The following DLGAP1 variants were observed in gnomAD, a reference collection of about 807,000 sequenced individuals.
DLGAP1 encodes DLG associated protein 1.
In DLGAP1, 11 loss-of-function variants were observed where a neutral mutation model predicts 90.8. The ratio of observed to expected loss-of-function variants is 0.12; its 90% CI spans 0.08 to 0.20. DLGAP1 has a LOEUF of 0.20. Ranked by LOEUF, DLGAP1 falls within the 10% of genes least tolerant of loss-of-function variation. The pLI is 1.00. For missense variants in DLGAP1, 1,050 were observed against 1,333.8 expected, an observed-to-expected ratio of 0.79 and a Z score of 3.31; for synonymous variants, 558 against 540.7, an observed-to-expected ratio of 1.03 and a Z score of -0.44.
chr18:4,256,026 C>T (rs1357804443), intron 1 of DLGAP1, among the ~76,000 whole-genome samples: 1 of 152,138 alleles, frequency 6.6e-6, no homozygotes, highest in Non-Finnish European at 1.5e-5. Flanking sequence ...TCTGACAACT[C>T]AAGGCAGCTA....
In DLGAP1 at chr18:3,846,331, A is replaced by C. The variant is rs928414255; in HGVS notation, c.958-32058T>G. On this transcript the variant is annotated intron_variant, in intron 4 of 12. Transcript: ENST00000315677. Reference sequence around the variant, plus strand: ...CCTAAAACTTTCCTCTACTGAATTAATAAAAGCACAGGTGCATTTAATAAG... The same window carrying C: ...CCTAAAACTTTCCTCTACTGAATTACTAAAAGCACAGGTGCATTTAATAAG... Among the ~76,000 whole-genome samples the C allele has an allele frequency of 5.3e-5, 8 of 152,338 alleles. No homozygotes were observed. The East Asian group carries it at 1.5e-3, about 29-fold the overall frequency.
chr18:3,727,297 G>A lies in DLGAP1; in HGVS notation c.1591+1838C>T, dbSNP rs2062219770. Among the ~76,000 whole-genome samples, 1 of 152,164 alleles carries A rather than the reference G, an allele frequency of 6.6e-6. No homozygotes were observed. Among genetic ancestry groups the A allele is most frequent in the African/African-American group, 2.4e-5 (1 of 41,432 alleles). On this transcript the variant is annotated intron_variant, in intron 7 of 12. Transcript: ENST00000315677. The surrounding 1 kb of genome is among the most constrained non-coding windows in gnomAD (Gnocchi z 4.7). ...CATGTGTGTTTGGAGTGAAGAGCAT[G>A]GGACAGGCGCTGATGCAGGAAGTGT...
At chr18:3,576,578 T>C (rs1319733328) in intron 8 of DLGAP1, among the ~76,000 whole-genome samples, 1 of 150,342 alleles carries the variant, frequency 6.7e-6, no homozygotes, top group African/African-American at 2.5e-5. Context: ...TTTTTTTTTT[T>C]TTTGAGATGG....
intron 1 of DLGAP1, among the ~76,000 whole-genome samples, chr18:4,307,349 A>G (rs910323520): frequency 1.3e-5 from 2 of 152,062 alleles, no homozygotes; most frequent in African/African-American, 4.8e-5. Context: ...CGTCACCTCA[A>G]CCAAAAACTC....
intron 12 of DLGAP1, among the ~76,000 whole-genome samples, chr18:3,501,808 G>C (rs990938779): frequency 6.6e-6 from 1 of 151,994 alleles, no homozygotes; most frequent in African/African-American, 2.4e-5. Flanking sequence ...TGTGAGCCTC[G>C]TGGAACACCA....
intron 10 of DLGAP1, among the ~76,000 whole-genome samples, chr18:3,512,096 G>A (rs1598995618): frequency 6.6e-6 from 1 of 151,124 alleles, no homozygotes; most frequent in African/African-American, 2.4e-5. Flanking sequence ...GTTCAACCCA[G>A]ATGTGGTTAA....
chr18:3,975,794 A>G (rs1421307000), intron 3 of DLGAP1, among the ~76,000 whole-genome samples: 1 of 152,220 alleles, frequency 6.6e-6, no homozygotes, highest in African/African-American at 2.4e-5. Flanking sequence ...CCTCAAAGAC[A>G]TTGTGCAAAG....
chr18:3,670,070 C>T (rs1267763966), intron 7 of DLGAP1, among the ~76,000 whole-genome samples: 2 of 151,972 alleles, frequency 1.3e-5, no homozygotes, highest in African/African-American at 4.8e-5. Context: ...TTCATTATAA[C>T]GATAGGAAAA....
chr18:4,253,192 C>T (rs527350425), intron 1 of DLGAP1, among the ~76,000 whole-genome samples: 11 of 152,270 alleles, frequency 7.2e-5, no homozygotes, highest in East Asian at 1.9e-4. Flanking sequence ...TAATGCATTA[C>T]GCAGTAGGAT....
In DLGAP1 at chr18:3,499,852, G is replaced by A. The variant is rs1008669287; in HGVS notation, c.2725-458C>T. 3.3e-5 allele frequency among the ~76,000 whole-genome samples: 5 copies of A among 152,050 alleles called. No homozygotes were observed. Among genetic ancestry groups the A allele is most frequent in the African/African-American group, 7.3e-5 (3 of 41,368 alleles). On this transcript the variant is annotated intron_variant, in intron 12 of 12. Transcript: ENST00000315677. This position sits in a 1 kb window ranked among gnomAD's most constrained non-coding sequence, Gnocchi z 6.4. ...TGGTTCAGAGCTTAAAAACATCTCC[G>A]CTCTGTCCCCGGCCCGCCCACCGTC...
chr18:3,541,408 G>A (rs543607559), intron 9 of DLGAP1, among the ~76,000 whole-genome samples: 3 of 152,286 alleles, frequency 2.0e-5, no homozygotes, highest in South Asian at 4.1e-4. Flanking sequence ...TGTACAGTAA[G>A]GAACTATTTG....
intron 3 of DLGAP1, among the ~76,000 whole-genome samples, chr18:3,972,683 G>T (rs140472211): frequency 6.6e-6 from 1 of 152,122 alleles, no homozygotes; most frequent in African/African-American, 2.4e-5. Context: ...CACTGTCCAC[G>T]TAGGAACTTT....
In DLGAP1 at chr18:4,076,210, A is replaced by T. The variant is rs569258483; in HGVS notation, c.-158-71009T>A. ...TAAAAACACACCATATATTTTATTT[A>T]AAAAAATTATATGCCATGGAAAGAG... On this transcript the variant is annotated intron_variant, in intron 2 of 12. Coordinates refer to ENST00000315677, the MANE Select transcript of DLGAP1 (RefSeq NM_004746.4). Among the ~76,000 whole-genome samples, 11 of 152,276 alleles carry T rather than the reference A, an allele frequency of 7.2e-5. No individual in the cohort carries two copies. In the East Asian group the frequency reaches 1.3e-3, roughly 19 times the overall value.
intron 8 of DLGAP1, among the ~76,000 whole-genome samples, chr18:3,568,895 C>T (rs915313082): frequency 7.9e-5 from 12 of 151,674 alleles, no homozygotes; most frequent in East Asian, 7.7e-4. Context: ...ACTGTGTTAG[C>T]CAGGATGGTC....
rs2077323012 is a variant in DLGAP1 at position 4,187,700 on chromosome 18, TTTAAA to T, written c.-266-36418_-266-36414del. On this transcript the variant is annotated intron_variant, in intron 1 of 12. Transcript: ENST00000315677. Reference sequence around the variant, plus strand: ...AGTAATGTGGGTTGTTAAATAATATTTTAAATTAAATTGTCAGCTGGGCGTGGTGG... The same window carrying T: ...AGTAATGTGGGTTGTTAAATAATATTTTAAATTGTCAGCTGGGCGTGGTGG... Among the ~76,000 whole-genome samples the T allele has an allele frequency of 3.3e-5, 5 of 152,082 alleles. No individual in the cohort carries two copies. The South Asian group carries it at 8.3e-4, about 25-fold the overall frequency.
intron 2 of DLGAP1, among the ~76,000 whole-genome samples, chr18:4,069,791 G>A (rs12966026): frequency 0.53 from 80,672 of 151,984 alleles, 22,426 homozygotes; most frequent in Non-Finnish European, 0.63. Flanking sequence ...ACAGCAATGT[G>A]ACAACGGACT....
rs36071304 is a variant in DLGAP1 at position 3,501,949 on chromosome 18, GAAAAAA to G, written c.2724+538_2724+543del. On this transcript the variant is annotated intron_variant, in intron 12 of 12. Coordinates refer to ENST00000315677, the MANE Select transcript of DLGAP1 (RefSeq NM_004746.4). Reference sequence around the variant, plus strand: ...AATCAACCAAAAGCAAAACTGTTTTGAAAAAAAAAAAAAAAAAAAACCCAACATTTA... The same window carrying G: ...AATCAACCAAAAGCAAAACTGTTTTGAAAAAAAAAAAAAACCCAACATTTA... 6.5e-4 allele frequency among the ~76,000 whole-genome samples: 71 copies of G among 109,390 alleles called. 2 individuals are homozygous for G. The highest frequency in any genetic ancestry group is 2.4e-3 in the African/African-American group (66 of 27,614). The allele number at this position is 109,390 out of a possible 152,430, so 71.8% of individuals were successfully genotyped here. A position where few individuals can be genotyped will look rare whatever the true frequency, so the allele number is the denominator to read the frequency against.
intron 3 of DLGAP1, among the ~76,000 whole-genome samples, chr18:3,888,513 T>C (rs1379822127): frequency 6.6e-6 from 1 of 151,734 alleles, no homozygotes; most frequent in African/African-American, 2.4e-5. Context: ...TACAAATAAA[T>C]GCCTTCGGAG....
intron 3 of DLGAP1, among the ~76,000 whole-genome samples, chr18:3,919,623 A>G (rs2072222662): frequency 6.6e-6 from 1 of 152,226 alleles, no homozygotes; most frequent in African/African-American, 2.4e-5. Context: ...TGTGCTAGGT[A>G]TTAAGGTGAT....
Sources: gnomAD v4.1 joint callset for allele counts (sites outside exome capture counted in the v4.1 genomes callset) on GRCh38, gnomAD v4.1.1 for gene constraint, Gnocchi (gnomAD v3.1) non-coding constraint, MANE v1.5 for transcripts, NCBI Gene and HGNC (gene_info 2026-07-23, HGNC 2026-07-21) for gene names.